The following ERBB4 variants were observed in gnomAD, a reference collection of about 807,000 sequenced individuals.
ERBB4 encodes receptor tyrosine-protein kinase erbB-4.
In ERBB4, 42 loss-of-function variants were observed where a neutral mutation model predicts 158.0. The ratio of observed to expected loss-of-function variants is 0.27; its 90% CI spans 0.21 to 0.34. The LOEUF is 0.34. ERBB4 is among the 10% of genes least tolerant of loss of function. ERBB4 has a pLI of 1.00. For synonymous variants in ERBB4, 583 were observed against 558.7 expected, an observed-to-expected ratio of 1.04 and a Z score of -0.61; for missense variants, 1,333 against 1,624.1, an observed-to-expected ratio of 0.82 and a Z score of 3.08.
intron 1 of ERBB4, among the ~76,000 whole-genome samples, chr2:212,380,380 T>C (rs930893618): frequency 6.6e-6 from 1 of 151,280 alleles, no homozygotes; most frequent in Non-Finnish European, 1.5e-5. Flanking sequence ...ATAGGTTATA[T>C]GCAAATACTA....
intron 3 of ERBB4, among the ~76,000 whole-genome samples, chr2:211,898,936 C>T (rs935094337): frequency 3.9e-5 from 6 of 152,106 alleles, no homozygotes; most frequent in East Asian, 1.9e-4. Context: ...CACACTCAAT[C>T]GTCCAAACTA....
At chr2:211,602,668 C>T (rs1186748103) in intron 19 of ERBB4, among the ~76,000 whole-genome samples, 1 of 152,124 alleles carries the variant, frequency 6.6e-6, no homozygotes, top group Non-Finnish European at 1.5e-5. Context: ...TGATTATTCA[C>T]ATTAAATGTC....
intron 3 of ERBB4, among the ~76,000 whole-genome samples, chr2:211,853,185 A>G (rs1295406968): frequency 6.6e-6 from 1 of 152,026 alleles, no homozygotes; most frequent in Non-Finnish European, 1.5e-5. Flanking sequence ...CTGGAAATAG[A>G]GATCAGATTC....
At chr2:211,622,774 C>T (rs2069653796) in intron 18 of ERBB4, among the ~76,000 whole-genome samples, 1 of 149,978 alleles carries the variant, frequency 6.7e-6, no homozygotes, top group African/African-American at 2.5e-5. Flanking sequence ...ACCAGCCTGG[C>T]CAACATGGTG....
Position 211,381,718 on chromosome 2 carries a change from T to G in ERBB4, c.*1897A>C, listed in dbSNP as rs1337144356. ...TGTTCAGAATAGGAAGAAACACAAA[T>G]TTCTTTGGATTTTTTTCTCTAAACT... On this transcript the variant is annotated 3_prime_UTR_variant, in exon 28 of 28. Coordinates refer to ENST00000342788, the MANE Select transcript of ERBB4 (RefSeq NM_005235.3). 1 of 231,354 alleles carries G rather than the reference T, an allele frequency of 4.3e-6. No homozygotes were observed. The highest frequency in any genetic ancestry group is 6.1e-5 in the East Asian group (1 of 16,292). 14.3% of individuals were successfully genotyped at this position (231,354 alleles called of 1,614,324 possible).
intron 19 of ERBB4, among the ~76,000 whole-genome samples, chr2:211,586,750 G>A (rs2068291428): frequency 6.6e-6 from 1 of 152,116 alleles, no homozygotes; most frequent in South Asian, 2.1e-4. Flanking sequence ...TTATGGATAT[G>A]GAAATATTGT....
At chr2:211,980,162 G>C (rs1276045948) in intron 2 of ERBB4, among the ~76,000 whole-genome samples, 2 of 152,118 alleles carry the variant, frequency 1.3e-5, no homozygotes, top group Non-Finnish European at 2.9e-5. Context: ...TTGAGGCTTA[G>C]TTTTGAAAAG....
At chr2:211,991,632 C>A (rs79973730) in intron 2 of ERBB4, among the ~76,000 whole-genome samples, 2 of 151,886 alleles carry the variant, frequency 1.3e-5, no homozygotes, top group Non-Finnish European at 2.9e-5. Context: ...CAGGGGAGAA[C>A]GACTATTGTA....
At chr2:211,518,682 AAGGGTTTTGTTT>A (rs1306447487) in intron 20 of ERBB4, among the ~76,000 whole-genome samples, 2 of 151,976 alleles carry the variant, frequency 1.3e-5, no homozygotes, top group African/African-American at 4.8e-5. Context: ...ATTCTATGTA[AAGGGTTTTGTTT>A]AGTAGATGAC....
intron 1 of ERBB4, among the ~76,000 whole-genome samples, chr2:212,516,672 T>A (rs1383879858): frequency 1.3e-5 from 2 of 152,136 alleles, no homozygotes; most frequent in East Asian, 3.8e-4. Flanking sequence ...GTGTTTATGT[T>A]TAAAATCACC....
chr2:211,711,566 CAA>C (rs1553615644), intron 9 of ERBB4, among the ~76,000 whole-genome samples: 1 of 152,196 alleles, frequency 6.6e-6, no homozygotes, highest in Non-Finnish European at 1.5e-5. Context: ...TTAAGGGAAA[CAA>C]GACGAAAATA....
At chr2:211,386,160 T>C (rs1415465658) in intron 27 of ERBB4, among the ~76,000 whole-genome samples, 1 of 152,178 alleles carries the variant, frequency 6.6e-6, no homozygotes, top group South Asian at 2.1e-4. Flanking sequence ...ACTGTTAGCA[T>C]AGAAGAAGAA....
chr2:211,674,906 C>G (rs879745997), intron 13 of ERBB4, among the ~76,000 whole-genome samples: 1 of 152,048 alleles, frequency 6.6e-6, no homozygotes, highest in African/African-American at 2.4e-5. Flanking sequence ...TTCTTCTTCT[C>G]CAAAACCCAC....
intron 1 of ERBB4, among the ~76,000 whole-genome samples, chr2:212,423,119 T>A (rs1457362996): frequency 6.6e-6 from 1 of 152,070 alleles, no homozygotes; most frequent in Non-Finnish European, 1.5e-5. Context: ...GTAAAGCTAG[T>A]AACATAACCA....
At chr2:211,744,973 C>A (rs13003936) in intron 5 of ERBB4, among the ~76,000 whole-genome samples, 51,619 of 152,148 alleles carry the variant, frequency 0.34, 8,876 homozygotes, top group South Asian at 0.44. Context: ...TAAATAACAT[C>A]TGATTGTATC....
chr2:211,810,954 G>T (rs980193741), intron 3 of ERBB4, among the ~76,000 whole-genome samples: 1 of 152,058 alleles, frequency 6.6e-6, no homozygotes, highest in Non-Finnish European at 1.5e-5. Flanking sequence ...GATTACAGGC[G>T]TGAGCCACCG....
intron 15 of ERBB4, among the ~76,000 whole-genome samples, chr2:211,662,790 T>A (rs1166334470): frequency 6.6e-6 from 1 of 152,204 alleles, no homozygotes; most frequent in Non-Finnish European, 1.5e-5. Context: ...ACAGGTAACT[T>A]TATTTTCAGA....
intron 1 of ERBB4, among the ~76,000 whole-genome samples, chr2:212,382,948 T>C (rs944255591): frequency 6.6e-6 from 1 of 151,298 alleles, no homozygotes; most frequent in Non-Finnish European, 1.5e-5. Context: ...GGGTGTTATG[T>C]CTCTTTCTGT....
chr2:211,495,035 G>T (rs771390320), intron 20 of ERBB4, among the ~76,000 whole-genome samples: 9 of 151,940 alleles, frequency 5.9e-5, no homozygotes, highest in African/African-American at 9.7e-5. Flanking sequence ...TTGAATAAAA[G>T]AATATCTTAG....
Sources: allele counts gnomAD v4.1 joint callset (sites outside exome capture counted in the v4.1 genomes callset), GRCh38; gene constraint gnomAD v4.1.1; transcripts MANE v1.5; gene names NCBI Gene and HGNC (gene_info 2026-07-23, HGNC 2026-07-21).